Variants in BACH2 observed in about 807,000 individuals in gnomAD.
The protein encoded by BACH2 is BACH transcriptional regulator 2, also known as transcription regulator protein BACH2.
In BACH2, 5 loss-of-function variants were observed where a neutral mutation model predicts 61.8. The observed-to-expected ratio is 0.08, with a 90% CI of 0.04 to 0.17. BACH2 has a LOEUF of 0.17. Among genes scored for constraint, BACH2 ranks in the 10% least tolerant of loss-of-function variants. The pLI, the probability that BACH2 is intolerant of heterozygous loss-of-function variation, is 1.00. For synonymous variants in BACH2, 446 were observed against 440.1 expected (o/e 1.01, Z -0.17); for missense variants, 824 against 1,091.1 (o/e 0.76, Z 3.45).
At chr6:90,268,333 A>G (rs1482798667) in intron 2 of BACH2, among the ~76,000 whole-genome samples, 3 of 152,142 alleles carry the variant, frequency 2.0e-5, no homozygotes, top group Non-Finnish European at 4.4e-5. Flanking sequence ...CATGCAAGAA[A>G]TGTGAAGGGG....
At chr6:89,934,576 T>C in intron 8 of BACH2, among the ~76,000 whole-genome samples, 1 of 152,120 alleles carries the variant, frequency 6.6e-6, no homozygotes, top group Non-Finnish European at 1.5e-5. Flanking sequence ...TGAGAATTGC[T>C]TGAATCCGGG....
intron 4 of BACH2, among the ~76,000 whole-genome samples, chr6:90,180,216 T>C (rs1016592707): frequency 9.2e-5 from 14 of 152,228 alleles, no homozygotes; most frequent in African/African-American, 3.4e-4. Flanking sequence ...TTAAAATCAA[T>C]ATAAAAACTA....
At chr6:90,020,126 T>C (rs1393377238) in intron 5 of BACH2, among the ~76,000 whole-genome samples, 1 of 152,238 alleles carries the variant, frequency 6.6e-6, no homozygotes, top group Non-Finnish European at 1.5e-5. Context: ...ATGTCAGTAT[T>C]ACTTTCTTCC....
At position 90,191,095 on chromosome 6, in the gene BACH2, C is replaced by T. The variant is rs552643101; in HGVS notation, c.-162+15474G>A. ...TCACTGGTTTTCTTCATCTTGCCTT[C>T]GGGCCAGGCCCATCCGTGACTTAAG... On this transcript the variant is annotated intron_variant, in intron 4 of 8. Transcript: ENST00000257749. Among the ~76,000 whole-genome samples, 8 of 152,312 alleles carry T rather than the reference C, an allele frequency of 5.3e-5. No homozygotes were observed. The East Asian group carries it at 7.7e-4, about 15-fold the overall frequency.
At chr6:90,251,453 G>A (rs1470816676) in intron 3 of BACH2, among the ~76,000 whole-genome samples, 2 of 152,042 alleles carry the variant, frequency 1.3e-5, no homozygotes. Context: ...GCTTAACTGA[G>A]AATGATATAG....
At chr6:90,080,852 G>A (rs1005289200) in intron 5 of BACH2, 9 of 850,028 alleles carry the variant, frequency 1.1e-5, no homozygotes, top group Non-Finnish European at 1.1e-5. Context: ...GTCTTCATGC[G>A]CGGTACTCGA....
At chr6:90,023,719 C>T (rs890486441) in intron 5 of BACH2, among the ~76,000 whole-genome samples, 4 of 152,084 alleles carry the variant, frequency 2.6e-5, no homozygotes, top group Non-Finnish European at 4.4e-5. Context: ...AGAGCCCTCA[C>T]GAATGGGATT....
At chr6:90,262,539 T>C (rs1205170916) in intron 2 of BACH2, among the ~76,000 whole-genome samples, 1 of 152,168 alleles carries the variant, frequency 6.6e-6, no homozygotes, top group Non-Finnish European at 1.5e-5. Context: ...ACTAAATGGA[T>C]GTTTACTGAC....
intron 5 of BACH2, among the ~76,000 whole-genome samples, chr6:90,064,166 T>C (rs1780825789): frequency 6.6e-6 from 1 of 152,220 alleles, no homozygotes; most frequent in South Asian, 2.1e-4. Context: ...ATAACTCAAA[T>C]GCTAAACAGA....
chr6:90,182,712 A>C (rs1582458413), intron 4 of BACH2, among the ~76,000 whole-genome samples: 1 of 152,212 alleles, frequency 6.6e-6, no homozygotes, highest in Non-Finnish European at 1.5e-5. Context: ...ATGAACATGC[A>C]ATCTTCCATG....
At chr6:90,276,445 T>C (rs1771694238) in intron 1 of BACH2, among the ~76,000 whole-genome samples, 1 of 152,194 alleles carries the variant, frequency 6.6e-6, no homozygotes, top group Non-Finnish European at 1.5e-5. Flanking sequence ...TTAATAAGCA[T>C]TAAAGGTAGA....
intron 6 of BACH2, among the ~76,000 whole-genome samples, chr6:89,954,298 CTTTTT>C (rs56660189): frequency 4.9e-5 from 7 of 143,358 alleles, no homozygotes; most frequent in African/African-American, 1.8e-4. Flanking sequence ...CACAGTTTTT[CTTTTT>C]TTTTTTATTA....
intron 3 of BACH2, among the ~76,000 whole-genome samples, chr6:90,245,245 T>C (rs1770594319): frequency 6.6e-6 from 1 of 151,524 alleles, no homozygotes; most frequent in African/African-American, 2.4e-5. Context: ...CTGATGAAAA[T>C]TATTTAAGCA....
chr6:90,244,056 G>A (rs1770548588), intron 3 of BACH2, among the ~76,000 whole-genome samples: 1 of 152,062 alleles, frequency 6.6e-6, no homozygotes, highest in African/African-American at 2.4e-5. Context: ...TGAGTAGCTG[G>A]GATAACAGGC....
intron 5 of BACH2, among the ~76,000 whole-genome samples, chr6:90,049,912 A>G (rs1188580383): frequency 6.6e-6 from 1 of 152,220 alleles, no homozygotes; most frequent in African/African-American, 2.4e-5. Context: ...TTTACTTGAA[A>G]GAATGACTGA....
At chr6:90,057,668 C>CA (rs1780443055) in intron 5 of BACH2, among the ~76,000 whole-genome samples, 2 of 151,936 alleles carry the variant, frequency 1.3e-5, no homozygotes, top group Middle Eastern at 3.2e-3. Context: ...AGAGACACAA[C>CA]AAAAAAAGAG....
chr6:89,961,945 T>C (rs1386794082), intron 6 of BACH2, among the ~76,000 whole-genome samples: 1 of 152,218 alleles, frequency 6.6e-6, no homozygotes, highest in African/African-American at 2.4e-5. Context: ...TGATAAGCCA[T>C]GTGTCCATTT....
chr6:90,222,814 C>T (rs373652), intron 3 of BACH2, among the ~76,000 whole-genome samples: 1 of 152,114 alleles, frequency 6.6e-6, no homozygotes, highest in African/African-American at 2.4e-5. Flanking sequence ...TCCTTAGTCA[C>T]CTGCTCTGTC....
At chr6:90,135,885 C>T (rs759861067) in intron 4 of BACH2, among the ~76,000 whole-genome samples, 17 of 152,202 alleles carry the variant, frequency 1.1e-4, no homozygotes, top group Non-Finnish European at 1.9e-4. Flanking sequence ...CCTCTATCAT[C>T]GTCTCTGACC....
Sources: gnomAD v4.1 joint callset for allele counts (sites outside exome capture counted in the v4.1 genomes callset) on GRCh38, gnomAD v4.1.1 for gene constraint, MANE v1.5 for transcripts, NCBI Gene and HGNC (gene_info 2026-07-23, HGNC 2026-07-21) for gene names.